The following PLXNA4 variants were observed in gnomAD, a reference collection of about 807,000 sequenced individuals.
PLXNA4 encodes the protein plexin A4, also known as plexin-A4.
Under a neutral mutation model 191.8 loss-of-function variants are expected in PLXNA4, and 44 were observed. That is an observed-to-expected ratio of 0.23 (90% CI 0.18 to 0.29). PLXNA4 has a LOEUF of 0.29. Among genes scored for constraint, PLXNA4 ranks in the 10% least tolerant of loss-of-function variants. The pLI is 1.00. For missense variants in PLXNA4, 1,800 were observed against 2,488.8 expected, an observed-to-expected ratio of 0.72 and a Z score of 5.89; for synonymous variants, 1,082 against 1,009.5, an observed-to-expected ratio of 1.07 and a Z score of -1.36.
chr7:132,175,569 A>T (rs1480956550), intron 20 of PLXNA4, among the ~76,000 whole-genome samples: 1 of 152,228 alleles, frequency 6.6e-6, no homozygotes, highest in Non-Finnish European at 1.5e-5. Context: ...TATGACCTGC[A>T]TGTGGGCACT....
At chr7:132,533,895 G>A (rs1359573965) in intron 1 of PLXNA4, among the ~76,000 whole-genome samples, 1 of 152,056 alleles carries the variant, frequency 6.6e-6, no homozygotes, top group Non-Finnish European at 1.5e-5. Context: ...CCCCTGTGGG[G>A]TTGCTCTAAA....
At chr7:132,562,988 C>CCCTCCTCCTCTTT (rs1563175167) in intron 1 of PLXNA4, among the ~76,000 whole-genome samples, 1 of 67,356 alleles carries the variant, frequency 1.5e-5, no homozygotes, top group African/African-American at 9.3e-5. Flanking sequence ...TCCTCCTTCT[C>CCCTCCTCCTCTTT]CTCCTCCTCC....
intron 29 of PLXNA4, among the ~76,000 whole-genome samples, chr7:132,142,904 T>C (rs2116551851): frequency 6.6e-6 from 1 of 152,332 alleles, no homozygotes; most frequent in South Asian, 2.1e-4. Context: ...TTCTTCCCTA[T>C]GCTTCCCGGT....
In PLXNA4 at chr7:132,123,934, A is replaced by G. The variant is rs1043908175; in HGVS notation, c.*6545T>C. The G allele has an allele frequency of 6.6e-6, 1 of 152,170 alleles. No homozygotes were observed. Among genetic ancestry groups the G allele is most frequent in the African/African-American group, 2.4e-5 (1 of 41,426 alleles). 9.4% of individuals were successfully genotyped at this position (152,170 alleles called of 1,614,324 possible). On this transcript the variant is annotated 3_prime_UTR_variant, in exon 32 of 32. Coordinates refer to ENST00000321063, the MANE Select transcript of PLXNA4 (RefSeq NM_020911.2). ...TCCCCACACGTCGGCTCGCTGAGCC[A>G]TTGTCTGTTGTGGTACCCTGGAGTT...
intron 9 of PLXNA4, among the ~76,000 whole-genome samples, chr7:132,215,284 T>C (rs188607928): frequency 3.3e-5 from 5 of 152,334 alleles, no homozygotes; most frequent in South Asian, 2.1e-4. Flanking sequence ...GCATGCTCCA[T>C]GTGCTATGAG....
chr7:132,338,756 A>C (rs1802913953), intron 3 of PLXNA4, among the ~76,000 whole-genome samples: 1 of 152,174 alleles, frequency 6.6e-6, no homozygotes, highest in Admixed American at 6.5e-5. Flanking sequence ...CACTGAATAA[A>C]AGACAGGACC....
At chr7:132,178,261 C>T (rs1012833011) in intron 20 of PLXNA4, among the ~76,000 whole-genome samples, 15 of 152,086 alleles carry the variant, frequency 9.9e-5, no homozygotes, top group African/African-American at 3.6e-4. Context: ...GTGCAAAACC[C>T]ACTCAACCAG....
chr7:132,152,517 G>A (rs1023660898), intron 25 of PLXNA4, among the ~76,000 whole-genome samples: 8 of 152,148 alleles, frequency 5.3e-5, no homozygotes. Context: ...CCCAGTGCTT[G>A]ATCCAGCCCT....
At chr7:132,346,001 A>G (rs1021324570) in intron 3 of PLXNA4, among the ~76,000 whole-genome samples, 2 of 152,170 alleles carry the variant, frequency 1.3e-5, no homozygotes, top group Middle Eastern at 3.2e-3. Context: ...AGAGCAGCAT[A>G]TCATCCCAGA....
At chr7:132,628,086 T>C (rs990180660) in intron 2 of PLXNA4, among the ~76,000 whole-genome samples, 1 of 152,222 alleles carries the variant, frequency 6.6e-6, no homozygotes, top group African/African-American at 2.4e-5. Context: ...ATAGTCCTCA[T>C]CCTTGTGGAA....
At chr7:132,597,318 C>T (rs553032488) in intron 2 of PLXNA4, among the ~76,000 whole-genome samples, 39 of 152,286 alleles carry the variant, frequency 2.6e-4, no homozygotes, top group African/African-American at 8.7e-4. Flanking sequence ...CCCCAGTCCC[C>T]ACTCAGATAG....
intron 3 of PLXNA4, among the ~76,000 whole-genome samples, chr7:132,339,994 A>T (rs1802964249): frequency 6.6e-6 from 1 of 152,172 alleles, no homozygotes; most frequent in South Asian, 2.1e-4. Flanking sequence ...GACTGAAAAT[A>T]CTCACTCAGC....
rs1281165419 is a variant in PLXNA4, at chr7:132,126,976, C to T, written c.*3503G>A. The T allele has an allele frequency of 2.0e-5, 3 of 152,150 alleles. No homozygotes were observed. Among genetic ancestry groups the T allele is most frequent in the African/African-American group, 7.3e-5 (3 of 41,378 alleles). The allele number at this position is 152,150 out of a possible 1,614,324, so 9.4% of individuals were successfully genotyped here. A position where few individuals can be genotyped will look rare whatever the true frequency, so the allele number is the denominator to read the frequency against. On this transcript the variant is annotated 3_prime_UTR_variant, in exon 32 of 32. Coordinates refer to ENST00000321063, the MANE Select transcript of PLXNA4 (RefSeq NM_020911.2). ...CAGCTACCAAGAAATGTCAGGGTCT[C>T]TCCTTATGGGGAAGGACAAAGAATG... is the stretch of plus-strand genomic sequence containing the variant.
Position 132,629,910 on chromosome 7 carries a change from C to T in PLXNA4, c.-87+16018G>A, listed in dbSNP as rs530465736. On this transcript the variant is annotated intron_variant, in intron 2 of 4. Transcript: ENST00000378539. ...TGTCACCCAGGCTGGAGTGCAGTGG[C>T]GCAATCTCCGCTCACTGCAAGCTCC... Among the ~76,000 whole-genome samples, 5 of 151,956 alleles carry T rather than the reference C, an allele frequency of 3.3e-5. No individual in the cohort carries two copies. In the South Asian group the frequency reaches 6.3e-4, roughly 19 times the overall value.
intron 3 of PLXNA4, among the ~76,000 whole-genome samples, chr7:132,481,757 T>G (rs1004943875): frequency 1.3e-5 from 2 of 152,186 alleles, no homozygotes; most frequent in Non-Finnish European, 2.9e-5. Context: ...CGGCAGCTAC[T>G]GATTCAAAAT....
intron 1 of PLXNA4, among the ~76,000 whole-genome samples, chr7:132,555,826 T>A (rs548588453): frequency 1.3e-5 from 2 of 152,366 alleles, no homozygotes; most frequent in Non-Finnish European, 2.9e-5. Context: ...GCTGGTGACT[T>A]AGCCTTTGAA....
chr7:132,623,550 T>G lies in PLXNA4; in HGVS notation c.-87+22378A>C, dbSNP rs141973585. Among the ~76,000 whole-genome samples, 239 of 152,258 alleles carry G rather than the reference T, an allele frequency of 1.6e-3. 2 individuals carry two copies. The highest frequency in any genetic ancestry group is 1.1e-3 in the Non-Finnish European group (77 of 68,024). On this transcript the variant is annotated intron_variant, in intron 2 of 4. Transcript: ENST00000378539. ...GTTAGAAAAGATCAAGGAGCCAGAC[T>G]ATCCAGCTCCTTCCACCATAGCAGC...
intron 4 of PLXNA4, among the ~76,000 whole-genome samples, chr7:132,279,952 C>T (rs950684563): frequency 1.3e-5 from 2 of 152,196 alleles, no homozygotes; most frequent in Non-Finnish European, 2.9e-5. Flanking sequence ...GACCATGACT[C>T]ATGGCAAGAG....
chr7:132,561,698 C>T (rs1479851815), intron 1 of PLXNA4, among the ~76,000 whole-genome samples: 18 of 136,468 alleles, frequency 1.3e-4, no homozygotes, highest in Non-Finnish European at 1.3e-4. Context: ...TCACCTCCTC[C>T]TACTCTTCCT....
Sources: gnomAD v4.1 joint callset for allele counts (sites outside exome capture counted in the v4.1 genomes callset) on GRCh38, gnomAD v4.1.1 for gene constraint, MANE v1.5 for transcripts, NCBI Gene and HGNC (gene_info 2026-07-23, HGNC 2026-07-21) for gene names.